Variants in CREB3L2 observed in about 807,000 individuals in gnomAD.
The protein encoded by CREB3L2 is cAMP responsive element binding protein 3 like 2.
CREB3L2 carries 23 observed loss-of-function variants against 57.2 expected under a neutral mutation model. The ratio of observed to expected loss-of-function variants is 0.40; its 90% CI spans 0.29 to 0.57. The LOEUF is 0.57. Ranked by LOEUF, CREB3L2 falls within the 20% of genes least tolerant of loss-of-function variation. The probability of loss-of-function intolerance (pLI) is 0.42; values close to 1 mark genes in which losing one functional copy is unlikely to be tolerated. For missense variants in CREB3L2, 628 were observed against 634.7 expected, an observed-to-expected ratio of 0.99 and a Z score of 0.11; for synonymous variants, 268 against 265.1, an observed-to-expected ratio of 1.01 and a Z score of -0.11.
rs1424777540 is a variant in CREB3L2, at chr7:137,996,134, G to T, written c.102+5470C>A. Among the ~76,000 whole-genome samples, 3 of 152,210 alleles carry T rather than the reference G, an allele frequency of 2.0e-5. No homozygotes were observed. The East Asian group carries it at 5.8e-4, about 29-fold the overall frequency. ...CCACTACTACCTGGCTATCGCCCTA[G>T]GTTCTCCAAGTGGAGATTCACCCTT... is the stretch of plus-strand genomic sequence containing the variant. On this transcript the variant is annotated intron_variant, in intron 1 of 11. Coordinates refer to ENST00000330387, the MANE Select transcript of CREB3L2 (RefSeq NM_194071.4).
chr7:137,929,600 T>C (rs1335545929), intron 1 of CREB3L2, among the ~76,000 whole-genome samples: 2 of 151,688 alleles, frequency 1.3e-5, no homozygotes, highest in Admixed American at 6.6e-5. Context: ...CGGTGGCTCA[T>C]GCTTGTAATC....
chr7:137,907,222 A>G (rs1799910853), intron 5 of CREB3L2, among the ~76,000 whole-genome samples: 1 of 152,204 alleles, frequency 6.6e-6, no homozygotes, highest in African/African-American at 2.4e-5. Flanking sequence ...TGGATACCTG[A>G]TAATGAGTAA....
At chr7:137,940,435 A>G (rs538379543) in intron 1 of CREB3L2, among the ~76,000 whole-genome samples, 1 of 152,340 alleles carries the variant, frequency 6.6e-6, no homozygotes, top group South Asian at 2.1e-4. Flanking sequence ...CAGACTAGTG[A>G]AGCTTGAGGA....
At chr7:137,998,181 A>G (rs1346520303) in intron 1 of CREB3L2, among the ~76,000 whole-genome samples, 1 of 152,220 alleles carries the variant, frequency 6.6e-6, no homozygotes, top group Non-Finnish European at 1.5e-5. Context: ...AGATGTCTTC[A>G]TAACTAACCA....
chr7:137,909,070 A>G (rs1231912608), intron 4 of CREB3L2, among the ~76,000 whole-genome samples: 2 of 152,228 alleles, frequency 1.3e-5, no homozygotes, highest in African/African-American at 4.8e-5. Flanking sequence ...ACTGCCCTCC[A>G]GCCTGGGTGA....
intron 1 of CREB3L2, among the ~76,000 whole-genome samples, chr7:137,975,510 A>G (rs1395592247): frequency 6.6e-6 from 1 of 152,194 alleles, no homozygotes; most frequent in African/African-American, 2.4e-5. Context: ...CTCACAGGCA[A>G]GACAGAAGAG....
At chr7:137,917,860 G>T (rs1800169806) in intron 2 of CREB3L2, among the ~76,000 whole-genome samples, 1 of 152,150 alleles carries the variant, frequency 6.6e-6, no homozygotes, top group Admixed American at 6.6e-5. Flanking sequence ...GGGCTGCTGA[G>T]TGCTATGGTG....
In CREB3L2 at chr7:137,882,412, A is replaced by T. The variant is rs1032508973; in HGVS notation, c.1487T>A (p.Leu496Gln). The change falls in exon 11 of 12, where the codon CTG (leucine) becomes CAG (glutamine). Residue 496 changes from leucine to glutamine, a missense_variant and splice_region_variant. This residue lies in a region of CREB3L2 where 272 missense variants were observed against 242.7 expected (regional missense o/e 1.12). Coordinates refer to ENST00000330387, the MANE Select transcript of CREB3L2 (RefSeq NM_194071.4). ...TTGGCTCTGTGTCTCTATGACTCAC[A>T]GGTGCTGCTGCAGCTCCAAAAGCAC... The part of the protein sequence containing the change: ...KSVLLELQQH[L>Q]VSAKLEGNET... 1 of 1,609,610 alleles carries T rather than the reference A, an allele frequency of 6.2e-7. No homozygotes were observed. Among genetic ancestry groups the T allele is most frequent in the Non-Finnish European group, 8.5e-7 (1 of 1,176,694 alleles).
chr7:137,996,187 TAA>T (rs1801985872), intron 1 of CREB3L2, among the ~76,000 whole-genome samples: 1 of 152,244 alleles, frequency 6.6e-6, no homozygotes, highest in Non-Finnish European at 1.5e-5. Flanking sequence ...TTGTTAAATA[TAA>T]ATGCCCATTT....
intron 1 of CREB3L2, among the ~76,000 whole-genome samples, chr7:137,933,404 G>A (rs1254496546): frequency 3.9e-5 from 6 of 152,228 alleles, no homozygotes; most frequent in East Asian, 3.9e-4. Flanking sequence ...CCAGGTTGGC[G>A]CACTCTGCTG....
intron 1 of CREB3L2, among the ~76,000 whole-genome samples, chr7:137,966,212 A>T (rs147329848): frequency 6.6e-6 from 1 of 152,254 alleles, no homozygotes; most frequent in South Asian, 2.1e-4. Context: ...GAGTGGAAAA[A>T]TAAGGGCTAG....
At chr7:137,894,870 G>A (rs1403884607) in intron 8 of CREB3L2, among the ~76,000 whole-genome samples, 1 of 152,134 alleles carries the variant, frequency 6.6e-6, no homozygotes, top group Non-Finnish European at 1.5e-5. Context: ...CCAAAGTAAG[G>A]ACCAGTTCAA....
chr7:137,995,310 A>G lies in CREB3L2; in HGVS notation c.102+6294T>C, dbSNP rs144393380. ...GCTGAATCAGCCAACAAGGAGCTCT[A>G]TTTCTTTTTTTTTCTTTTCTTTCTT... On this transcript the variant is annotated intron_variant, in intron 1 of 11. Transcript: ENST00000330387. 5.9e-5 allele frequency among the ~76,000 whole-genome samples: 5 copies of G among 84,732 alleles called. No homozygotes were observed. The East Asian group carries it at 1.5e-3, about 26-fold the overall frequency. 55.6% of individuals were successfully genotyped at this position (84,732 alleles called of 152,430 possible). A position where few individuals can be genotyped will look rare whatever the true frequency, so the allele number is the denominator to read the frequency against.
At chr7:137,981,106 T>C (rs1801703205) in intron 1 of CREB3L2, among the ~76,000 whole-genome samples, 1 of 152,062 alleles carries the variant, frequency 6.6e-6, no homozygotes, top group African/African-American at 2.4e-5. Context: ...CTGTCAGGAC[T>C]GAGCAAAGCT....
chr7:137,899,222 T>C (rs1373994605), intron 8 of CREB3L2, among the ~76,000 whole-genome samples: 1 of 151,552 alleles, frequency 6.6e-6, no homozygotes, highest in Non-Finnish European at 1.5e-5. Context: ...CCAGGCAAGG[T>C]AGTGGGGTCG....
intron 2 of CREB3L2, chr7:137,922,860 G>A (rs764642553): frequency 1.1e-5 from 2 of 182,806 alleles, no homozygotes; most frequent in Non-Finnish European, 2.3e-5. Context: ...AATTTTCAAA[G>A]GAGTTGGCAA....
rs1285648664 is a variant in CREB3L2 at position 137,876,638 on chromosome 7, A to G, written c.*3838T>C. 4.3e-6 allele frequency: 1 copy of G among 232,940 alleles called. No individual in the cohort carries two copies. Among genetic ancestry groups the G allele is most frequent in the East Asian group, 6.1e-5 (1 of 16,528 alleles). The allele number at this position is 232,940 out of a possible 1,614,324, so 14.4% of individuals were successfully genotyped here. ...CCCTCCCAGCGGGGCCTATCCTAGC[A>G]TGTGTCTATGGATAGTCTCACCTGA... On this transcript the variant is annotated 3_prime_UTR_variant, in exon 12 of 12. Transcript: ENST00000330387.
rs113466045 is a variant in CREB3L2, at chr7:137,980,441, G to C, written c.102+21163C>G. On this transcript the variant is annotated intron_variant, in intron 1 of 11. Coordinates refer to ENST00000330387, the MANE Select transcript of CREB3L2 (RefSeq NM_194071.4). This position sits in a 1 kb window ranked among gnomAD's most constrained non-coding sequence, Gnocchi z 4.3. ...GCCTGGCCTGGGGCAGCTCAGGAGA[G>C]TGGTCACCCAGGCTGAGTTATGCAA... Among the ~76,000 whole-genome samples, 157 of 152,358 alleles carry C rather than the reference G, an allele frequency of 1.0e-3. 1 individual carries two copies. The highest frequency in any genetic ancestry group is 3.6e-3 in the African/African-American group (151 of 41,592).
chr7:137,995,333 C>CTTTTTTTTTTTTTTTTTTTT (rs10676214), intron 1 of CREB3L2, among the ~76,000 whole-genome samples: 5 of 87,438 alleles, frequency 5.7e-5, no homozygotes, highest in Non-Finnish European at 8.0e-5. Flanking sequence ...TCTTTTCTTT[C>CTTTTTTTTTTTTTTTTTTTT]TTTTTTTTTT....
Sources: gnomAD v4.1 joint callset for allele counts (sites outside exome capture counted in the v4.1 genomes callset) on GRCh38, gnomAD v4.1.1 for gene constraint, gnomAD v4.1.1 regional missense constraint, Gnocchi (gnomAD v3.1) non-coding constraint, MANE v1.5 for transcripts, NCBI Gene and HGNC (gene_info 2026-07-23, HGNC 2026-07-21) for gene names.